Variants in SPAG16 observed in about 807,000 individuals in gnomAD.
SPAG16 encodes the protein sperm-associated antigen 16 protein.
A neutral mutation model predicts 80.4 loss-of-function variants in SPAG16; 86 were observed. That is an observed-to-expected ratio of 1.07 (90% CI 0.90 to 1.28). The LOEUF (loss-of-function observed/expected upper bound fraction) is 1.28, where lower values mean the gene tolerates loss of function less well. Among genes scored for constraint, SPAG16 ranks in the 50% most tolerant of loss-of-function variants. SPAG16 has a pLI of 0.00. For missense variants in SPAG16, 870 were observed against 765.3 expected (o/e 1.14, Z -1.61); for synonymous variants, 294 against 265.9 (o/e 1.11, Z -1.03).
intron 10 of SPAG16, among the ~76,000 whole-genome samples, chr2:213,612,017 G>C (rs1574490137): frequency 6.6e-6 from 1 of 152,068 alleles, no homozygotes; most frequent in Admixed American, 6.5e-5. Context: ...AATAAAAGTT[G>C]CAATGCTTTA....
intron 10 of SPAG16, among the ~76,000 whole-genome samples, chr2:213,671,898 T>A (rs75541278): frequency 0.047 from 7,176 of 152,228 alleles, 555 homozygotes; most frequent in African/African-American, 0.16. Flanking sequence ...AGCAAATGAA[T>A]ACACATTCAA....
chr2:213,295,527 T>G (rs2126068394), intron 1 of SPAG16, among the ~76,000 whole-genome samples: 1 of 152,256 alleles, frequency 6.6e-6, no homozygotes, highest in South Asian at 2.1e-4. Context: ...AAAAGTAAAA[T>G]TTAAATTTTA....
At chr2:214,004,384 C>G (rs1410465436) in intron 12 of SPAG16, among the ~76,000 whole-genome samples, 1 of 152,058 alleles carries the variant, frequency 6.6e-6, no homozygotes, top group Non-Finnish European at 1.5e-5. Flanking sequence ...ATGATTCAAT[C>G]CTCCAGCAGA....
intron 15 of SPAG16, among the ~76,000 whole-genome samples, chr2:214,286,658 A>C (rs764288475): frequency 3.9e-5 from 6 of 152,194 alleles, no homozygotes; most frequent in Non-Finnish European, 8.8e-5. Context: ...GAGGCACAAG[A>C]ATCACTTGAA....
chr2:213,290,884 A>G (rs2062241122), intron 1 of SPAG16, among the ~76,000 whole-genome samples: 1 of 152,200 alleles, frequency 6.6e-6, no homozygotes, highest in South Asian at 2.1e-4. Context: ...ACTCCATCAC[A>G]TCCTACTTCA....
At chr2:213,323,189 C>G (rs1459347967) in intron 5 of SPAG16, among the ~76,000 whole-genome samples, 1 of 152,118 alleles carries the variant, frequency 6.6e-6, no homozygotes, top group Non-Finnish European at 1.5e-5. Context: ...GCCTGTAATC[C>G]CAGCACTGTG....
intron 12 of SPAG16, among the ~76,000 whole-genome samples, chr2:213,987,836 TA>T (rs1418616023): frequency 6.8e-5 from 10 of 147,620 alleles, no homozygotes; most frequent in African/African-American, 2.4e-4. Context: ...ATTTATATTA[TA>T]AAAATATAAA....
chr2:214,389,921 GTGACTGTGAAATGAC>G (rs1700973908), intron 15 of SPAG16, among the ~76,000 whole-genome samples: 1 of 152,160 alleles, frequency 6.6e-6, no homozygotes, highest in African/African-American at 2.4e-5. Flanking sequence ...AAACGTTGAA[GTGACTGTGAAATGAC>G]TGCCTATTTT....
At chr2:214,253,374 T>A (rs111748525) in intron 15 of SPAG16, among the ~76,000 whole-genome samples, 16,971 of 152,224 alleles carry the variant, frequency 0.11, 1,137 homozygotes, top group Middle Eastern at 0.2. Flanking sequence ...ATGAAGTGTT[T>A]GCCCATGCCT....
intron 1 of SPAG16, among the ~76,000 whole-genome samples, chr2:213,284,925 CA>C (rs2062000049): frequency 6.6e-6 from 1 of 152,164 alleles, no homozygotes; most frequent in Non-Finnish European, 1.5e-5. Flanking sequence ...TAAGACAGCA[CA>C]ACAAATTGCT....
At chr2:213,916,150 G>T (rs768714120) in intron 11 of SPAG16, among the ~76,000 whole-genome samples, 1 of 152,140 alleles carries the variant, frequency 6.6e-6, no homozygotes, top group Non-Finnish European at 1.5e-5. Flanking sequence ...GGCTTTTGTT[G>T]CCATTGCTTT....
chr2:213,440,294 A>C (rs1390347070), intron 9 of SPAG16, among the ~76,000 whole-genome samples: 4 of 152,224 alleles, frequency 2.6e-5, no homozygotes, highest in Non-Finnish European at 5.9e-5. Flanking sequence ...TCATGCCTGT[A>C]ATCCCAGCAC....
At chr2:213,341,019 A>T (rs1005496424) in intron 6 of SPAG16, among the ~76,000 whole-genome samples, 1 of 152,182 alleles carries the variant, frequency 6.6e-6, no homozygotes, top group African/African-American at 2.4e-5. Flanking sequence ...TAATATGTTT[A>T]AAGAATACTT....
intron 10 of SPAG16, among the ~76,000 whole-genome samples, chr2:213,533,239 T>C (rs1220757265): frequency 1.3e-5 from 2 of 152,204 alleles, no homozygotes; most frequent in Non-Finnish European, 2.9e-5. Context: ...GATATGCACA[T>C]ACTATCTTTT....
chr2:213,346,438 C>T (rs960255683), intron 6 of SPAG16, among the ~76,000 whole-genome samples: 3 of 152,060 alleles, frequency 2.0e-5, no homozygotes, highest in Non-Finnish European at 2.9e-5. Flanking sequence ...AGTGATGAGG[C>T]AGGACATCCC....
Position 213,372,959 on chromosome 2 carries a change from A to G in SPAG16, c.833-2051A>G, listed in dbSNP as rs140032276. On this transcript the variant is annotated intron_variant, in intron 8 of 15. Transcript: ENST00000331683. ...AGGAACAATTGAGTGGGTAAAATTT[A>G]GCACTGGAAGGTACAATAAATAGAA... is the stretch of plus-strand genomic sequence containing the variant. Among the ~76,000 whole-genome samples, 20 of 152,314 alleles carry G rather than the reference A, an allele frequency of 1.3e-4. No homozygotes were observed. The East Asian group carries it at 2.9e-3, about 22-fold the overall frequency.
At chr2:213,504,839 G>A (rs1051306524) in intron 10 of SPAG16, among the ~76,000 whole-genome samples, 3 of 152,192 alleles carry the variant, frequency 2.0e-5, no homozygotes, top group African/African-American at 7.2e-5. Context: ...TGTGCAAAAT[G>A]CATACATTTA....
At chr2:214,250,753 T>TACAG (rs747802708) in intron 15 of SPAG16, among the ~76,000 whole-genome samples, 2 of 99,480 alleles carry the variant, frequency 2.0e-5, no homozygotes, top group African/African-American at 3.7e-5. Flanking sequence ...TATATATATA[T>TACAG]ATATAGAGAG....
At chr2:213,718,646 C>T (rs1299371571) in intron 10 of SPAG16, among the ~76,000 whole-genome samples, 2 of 152,144 alleles carry the variant, frequency 1.3e-5, no homozygotes, top group South Asian at 2.1e-4. Context: ...CCAGTGGCTG[C>T]GGAGGGTGTA....
Sources: allele counts gnomAD v4.1 joint callset (sites outside exome capture counted in the v4.1 genomes callset), GRCh38; gene constraint gnomAD v4.1.1; transcripts MANE v1.5; gene names NCBI Gene and HGNC (gene_info 2026-07-23, HGNC 2026-07-21).